Variants in DSCAML1 observed in about 807,000 individuals in gnomAD.
DSCAML1 encodes cell adhesion molecule DSCAML1.
DSCAML1 carries 38 observed loss-of-function variants against 200.5 expected under a neutral mutation model. That is an observed-to-expected ratio of 0.19 (90% CI 0.15 to 0.25). DSCAML1 has a LOEUF of 0.25. DSCAML1 is among the 10% of genes least tolerant of loss of function. DSCAML1 has a pLI of 1.00. For synonymous variants in DSCAML1, 1,215 were observed against 1,165.0 expected (o/e 1.04, Z -0.87); for missense variants, 2,223 against 2,858.8 (o/e 0.78, Z 5.07).
intron 3 of DSCAML1, among the ~76,000 whole-genome samples, chr11:117,726,696 G>A (rs1215014961): frequency 6.6e-6 from 1 of 152,194 alleles, no homozygotes; most frequent in African/African-American, 2.4e-5. Context: ...TGGCACTGCA[G>A]CAGATTTGAG....
Position 117,432,448 on chromosome 11 carries a change from G to T in DSCAML1, c.5083C>A (p.Pro1695Thr). The change falls in exon 30 of 33, where the codon CCA (proline) becomes ACA (threonine). Residue 1695 changes from proline (P) to threonine (T), a missense_variant. By Grantham distance (38) the Pro-to-Thr change is conservative (BLOSUM62 -1). Transcript: ENST00000651296. ...TDAEFSQAVN[P>T]QSFCTGVSLH... Reference sequence around the variant, plus strand: ...GAGACGCCAGTACAGAAGCTCTGTGGGTTGACAGCTTGGCTGAACTCAGCA... The same window carrying T: ...GAGACGCCAGTACAGAAGCTCTGTGTGTTGACAGCTTGGCTGAACTCAGCA... 6.2e-7 allele frequency: 1 copy of T among 1,614,194 alleles called. No homozygotes were observed. The highest frequency in any genetic ancestry group is 8.5e-7 in the Non-Finnish European group (1 of 1,180,046).
At chr11:117,768,250 G>A (rs1018273616) in intron 3 of DSCAML1, among the ~76,000 whole-genome samples, 3 of 152,200 alleles carry the variant, frequency 2.0e-5, no homozygotes, top group Non-Finnish European at 4.4e-5. Flanking sequence ...TACCCTGCAA[G>A]GTACTAGTGA....
At chr11:117,574,086 T>A (rs537928061) in intron 3 of DSCAML1, among the ~76,000 whole-genome samples, 1 of 152,298 alleles carries the variant, frequency 6.6e-6, no homozygotes, top group South Asian at 2.1e-4. Flanking sequence ...GGGGCCAGTG[T>A]GTCCACCCAC....
chr11:117,797,551 G>A (rs2055607274), upstream of DSCAML1, among the ~76,000 whole-genome samples: 1 of 152,190 alleles, frequency 6.6e-6, no homozygotes, highest in Admixed American at 6.5e-5. Context: ...AGTCACCTGG[G>A]ACACGAGCTT....
At chr11:117,435,409 C>T (rs2137069797) in intron 27 of DSCAML1, among the ~76,000 whole-genome samples, 3 of 152,348 alleles carry the variant, frequency 2.0e-5, no homozygotes, top group Middle Eastern at 6.8e-3. Context: ...GTGTGTACCT[C>T]TAAATATTAG....
At chr11:117,733,840 C>G (rs1445237738) in intron 3 of DSCAML1, among the ~76,000 whole-genome samples, 2 of 151,926 alleles carry the variant, frequency 1.3e-5, no homozygotes, top group African/African-American at 4.8e-5. Context: ...CCTCAAATCT[C>G]AGGGACCAAT....
chr11:117,560,113 G>A (rs2050634452), intron 3 of DSCAML1, among the ~76,000 whole-genome samples: 1 of 151,990 alleles, frequency 6.6e-6, no homozygotes, highest in South Asian at 2.1e-4. Context: ...AGAAAGGGGG[G>A]GCCACTTTGA....
intron 15 of DSCAML1, among the ~76,000 whole-genome samples, chr11:117,470,862 T>G (rs935769597): frequency 6.6e-6 from 1 of 150,550 alleles, no homozygotes; most frequent in Non-Finnish European, 1.5e-5. Context: ...GTAATATTGA[T>G]TAAAACAAGC....
rs560984103 is a variant in DSCAML1, at chr11:117,565,514, T to C, written c.512-32992A>G. 3.3e-5 allele frequency among the ~76,000 whole-genome samples: 5 copies of C among 152,344 alleles called. No homozygotes were observed. The South Asian group carries it at 8.3e-4, about 25-fold the overall frequency. On this transcript the variant is annotated intron_variant, in intron 3 of 32. Transcript: ENST00000651296. The stretch of plus-strand genomic sequence containing the variant: ...CAGTATCTAATTTACTTGTTTATTA[T>C]GACTCATTGTCTGTCTCTTCCTGCT...
intron 21 of DSCAML1, among the ~76,000 whole-genome samples, chr11:117,441,444 G>T (rs1196317113): frequency 2.0e-5 from 3 of 152,226 alleles, no homozygotes; most frequent in Non-Finnish European, 4.4e-5. Context: ...TCTAGGATCA[G>T]CATGCACAGG....
At chr11:117,432,207 G>C in intron 30 of DSCAML1, 145 bp downstream of exon 30, 1 of 955,560 alleles carries the variant, frequency 1.0e-6, no homozygotes, top group Non-Finnish European at 1.5e-6. Context: ...GAGGTCTCCA[G>C]ACGCTCATTC....
At position 117,780,614 on chromosome 11, in the gene DSCAML1, C is replaced by T. The variant is rs752364275; in HGVS notation, c.243G>A (p.Thr81=). The change falls in exon 2 of 33, where the codon ACG becomes ACA. Residue 81 remains threonine, a synonymous_variant. Coordinates refer to ENST00000651296, the MANE Select transcript of DSCAML1 (RefSeq NM_020693.4). This position sits in a 1 kb window ranked among gnomAD's most constrained non-coding sequence, Gnocchi z 4.8. ...PHIRHVHANG[T]LQLYPFSPSA... ...AGGGGGAGAAGGGGTAGAGCTGCAG[C>T]GTCCCGTTGGCGTGGACGTGCCGGA... 1 of 1,590,488 alleles carries T rather than the reference C, an allele frequency of 6.3e-7. No individual in the cohort carries two copies. The highest frequency in any genetic ancestry group is 8.6e-7 in the Non-Finnish European group (1 of 1,167,292).
At chr11:117,769,272 T>G (rs1307135888) in intron 3 of DSCAML1, among the ~76,000 whole-genome samples, 1 of 1,834 alleles carries the variant, frequency 5.5e-4, no homozygotes, top group African/African-American at 6.0e-4. Flanking sequence ...TTTTATATAT[T>G]TATATATTAT....
chr11:117,745,937 A>G, intron 3 of DSCAML1, among the ~76,000 whole-genome samples: 1 of 152,098 alleles, frequency 6.6e-6, no homozygotes, highest in East Asian at 1.9e-4. Context: ...TGCACAGGCC[A>G]GGCGCGGTGG....
At chr11:117,440,966 G>A (rs949129285) in intron 21 of DSCAML1, among the ~76,000 whole-genome samples, 10 of 145,900 alleles carry the variant, frequency 6.9e-5, no homozygotes, top group Admixed American at 2.7e-4. Flanking sequence ...GTCCTCAGCC[G>A]ATTTCAGATG....
chr11:117,540,506 G>C (rs2050247742), intron 3 of DSCAML1, among the ~76,000 whole-genome samples: 1 of 151,900 alleles, frequency 6.6e-6, no homozygotes, highest in Non-Finnish European at 1.5e-5. Context: ...ACTTAAACAT[G>C]ACTGAACTTA....
chr11:117,450,038 C>T (rs2048255239), intron 20 of DSCAML1, among the ~76,000 whole-genome samples: 2 of 152,232 alleles, frequency 1.3e-5, no homozygotes, highest in African/African-American at 4.8e-5. Context: ...CTCCTCTCGC[C>T]TGAGCCCAGG....
intron 3 of DSCAML1, among the ~76,000 whole-genome samples, chr11:117,591,201 C>G (rs1380628270): frequency 6.6e-6 from 1 of 152,090 alleles, no homozygotes; most frequent in African/African-American, 2.4e-5. Context: ...TAGGAAGTGG[C>G]AGGGTGAGGG....
intron 19 of DSCAML1, among the ~76,000 whole-genome samples, chr11:117,456,682 T>TTC (rs747013028): frequency 0.011 from 1,672 of 150,512 alleles, 34 homozygotes; most frequent in African/African-American, 0.038. Context: ...TTTTTTTTTT[T>TTC]TTTTCTTTTT....
Sources: gnomAD v4.1 joint callset for allele counts (sites outside exome capture counted in the v4.1 genomes callset) on GRCh38, gnomAD v4.1.1 for gene constraint, Gnocchi (gnomAD v3.1) non-coding constraint, MANE v1.5 for transcripts, NCBI Gene and HGNC (gene_info 2026-07-23, HGNC 2026-07-21) for gene names.